The following SGCD variants were observed in gnomAD, a reference collection of about 807,000 sequenced individuals.
SGCD encodes the protein sarcoglycan delta.
Under a neutral mutation model 36.6 loss-of-function variants are expected in SGCD, and 18 were observed. The ratio of observed to expected loss-of-function variants is 0.49; its 90% CI spans 0.34 to 0.73. SGCD has a LOEUF of 0.73. Among genes scored for constraint, SGCD ranks in the 30% least tolerant of loss-of-function variants. The pLI is 0.01. For missense variants in SGCD, 387 were observed against 346.7 expected (o/e 1.12, Z -0.92); for synonymous variants, 133 against 130.6 (o/e 1.02, Z -0.12).
At chr5:156,401,185 G>A (rs1580932563) in intron 3 of SGCD, among the ~76,000 whole-genome samples, 6 of 152,150 alleles carry the variant, frequency 3.9e-5, no homozygotes, top group Admixed American at 2.6e-4. Context: ...AGATTCCCAG[G>A]ACCCATGTTA....
rs1158844774 is a variant in SGCD, at chr5:156,448,731, C to CTTTTTTTTTTTTT, written c.193-59854_193-59842dup. Among the ~76,000 whole-genome samples the CTTTTTTTTTTTTT allele has an allele frequency of 2.1e-3, 160 of 76,062 alleles. 7 individuals are homozygous for CTTTTTTTTTTTTT. The highest frequency in any genetic ancestry group is 2.2e-3 in the Non-Finnish European group (95 of 42,282). 49.9% of individuals were successfully genotyped at this position (76,062 alleles called of 152,430 possible). ...GTGGGAGAAGTTTCTTTTTCTTTTT[C>CTTTTTTTTTTTTT]TTTTTTTTTTTTTTTTTTTTTTTTT... On this transcript the variant is annotated intron_variant, in intron 3 of 8. Transcript: ENST00000337851.
Position 156,579,088 on chromosome 5 carries a change from T to C in SGCD, c.295-10143T>C, listed in dbSNP as rs191220733. Reference sequence around the variant, plus strand: ...CCCTCTACACATTGCTTTAAATGTGTCCCAGAGATTCTGGTATGTTGTGTC... The same window carrying C: ...CCCTCTACACATTGCTTTAAATGTGCCCCAGAGATTCTGGTATGTTGTGTC... On this transcript the variant is annotated intron_variant, in intron 4 of 8. Coordinates refer to ENST00000337851, the MANE Select transcript of SGCD (RefSeq NM_000337.6). Among the ~76,000 whole-genome samples the C allele has an allele frequency of 9.3e-3, 1,411 of 152,354 alleles. 23 individuals are homozygous for C. The highest frequency in any genetic ancestry group is 0.048 in the East Asian group (250 of 5,182).
chr5:155,874,801 C>T (rs924969738), intron 1 of SGCD, among the ~76,000 whole-genome samples: 2 of 152,216 alleles, frequency 1.3e-5, no homozygotes. Context: ...GGAAGTCTCA[C>T]TCACTACTAG....
intron 7 of SGCD, among the ~76,000 whole-genome samples, chr5:156,686,642 T>C (rs1410230442): frequency 1.3e-5 from 2 of 152,224 alleles, no homozygotes; most frequent in Non-Finnish European, 2.9e-5. Flanking sequence ...TTTGTAAGTG[T>C]CTAGGGGACA....
chr5:156,435,943 T>C (rs1206013057), intron 3 of SGCD, among the ~76,000 whole-genome samples: 1 of 152,152 alleles, frequency 6.6e-6, no homozygotes, highest in African/African-American at 2.4e-5. Context: ...TAAAATTCTA[T>C]TCATCTTTCA....
intron 3 of SGCD, among the ~76,000 whole-genome samples, chr5:156,189,790 G>T (rs947609237): frequency 2.0e-5 from 3 of 152,160 alleles, no homozygotes; most frequent in African/African-American, 4.8e-5. Flanking sequence ...TGAGAACAGG[G>T]CGTATTAAAG....
chr5:156,331,945 C>A (rs1768085254), intron 2 of SGCD, among the ~76,000 whole-genome samples: 1 of 152,204 alleles, frequency 6.6e-6, no homozygotes, highest in South Asian at 2.1e-4. Context: ...ATTCTATAAT[C>A]TTTCTAGCCC....
At chr5:156,194,217 A>T (rs1763966171) in intron 3 of SGCD, among the ~76,000 whole-genome samples, 2 of 152,104 alleles carry the variant, frequency 1.3e-5, no homozygotes, top group Admixed American at 1.3e-4. Context: ...CTCTACCACA[A>T]AAAATACAAA....
chr5:155,905,912 G>A (rs1756500289), intron 1 of SGCD, among the ~76,000 whole-genome samples: 1 of 151,962 alleles, frequency 6.6e-6, no homozygotes, highest in African/African-American at 2.4e-5. Flanking sequence ...TCTCAGTTTT[G>A]GGAATGTCTT....
At chr5:156,080,659 A>C (rs1760925866) in intron 1 of SGCD, among the ~76,000 whole-genome samples, 2 of 152,222 alleles carry the variant, frequency 1.3e-5, no homozygotes, top group Non-Finnish European at 2.9e-5. Context: ...ACAGATCCCT[A>C]GGGCATGAAC....
At chr5:155,756,449 TC>T in the SGCD span, among the ~76,000 whole-genome samples, 29 of 152,262 alleles carry the variant, frequency 1.9e-4, no homozygotes, top group Non-Finnish European at 3.4e-4. Context: ...TTCTTCCTCT[TC>T]CCATCACATC....
intron 1 of SGCD, among the ~76,000 whole-genome samples, chr5:156,076,183 G>T (rs1760780634): frequency 6.6e-6 from 1 of 151,922 alleles, no homozygotes; most frequent in Non-Finnish European, 1.5e-5. Context: ...TTTCTGTTTT[G>T]CTCTGGTTGC....
At chr5:155,939,454 G>C (rs933371814) in intron 1 of SGCD, among the ~76,000 whole-genome samples, 1 of 151,754 alleles carries the variant, frequency 6.6e-6, no homozygotes, top group Admixed American at 6.6e-5. Flanking sequence ...AAGCCTGACC[G>C]ATATGGTGAA....
the SGCD span, among the ~76,000 whole-genome samples, chr5:155,766,386 G>C: frequency 2.0e-4 from 31 of 152,198 alleles, no homozygotes; most frequent in Non-Finnish European, 3.8e-4. Context: ...GCTGTAGCTG[G>C]GGGTGTGTTG....
At chr5:156,042,104 A>G (rs545194278) in intron 1 of SGCD, among the ~76,000 whole-genome samples, 10 of 152,294 alleles carry the variant, frequency 6.6e-5, no homozygotes, top group Admixed American at 1.3e-4. Context: ...TTCTTGTCTA[A>G]AACTGCACAA....
chr5:156,719,824 CT>C (rs76672672), intron 7 of SGCD, among the ~76,000 whole-genome samples: 611 of 138,478 alleles, frequency 4.4e-3, no homozygotes, highest in Middle Eastern at 7.7e-3. Flanking sequence ...GTCAAAGAAA[CT>C]TTTTTTTTTT....
intron 1 of SGCD, among the ~76,000 whole-genome samples, chr5:155,939,624 G>A (rs1419985008): frequency 8.8e-6 from 1 of 113,682 alleles, no homozygotes. Context: ...CAGCCTGGGT[G>A]ACAGAGAGAG....
At chr5:156,271,289 T>A (rs1390587116) in intron 3 of SGCD, among the ~76,000 whole-genome samples, 2 of 151,970 alleles carry the variant, frequency 1.3e-5, no homozygotes, top group African/African-American at 4.8e-5. Context: ...CTTTCCAGAG[T>A]GGAAAAAAGA....
chr5:156,552,402 G>A (rs1758836893), intron 4 of SGCD, among the ~76,000 whole-genome samples: 1 of 152,176 alleles, frequency 6.6e-6, no homozygotes, highest in South Asian at 2.1e-4. Flanking sequence ...ACAACAGTGG[G>A]GATGTGGAGA....
Sources: gnomAD v4.1 joint callset for allele counts (sites outside exome capture counted in the v4.1 genomes callset) on GRCh38, gnomAD v4.1.1 for gene constraint, MANE v1.5 for transcripts, NCBI Gene and HGNC (gene_info 2026-07-23, HGNC 2026-07-21) for gene names.